Variants in PPP4R4 observed in about 807,000 individuals in gnomAD.
PPP4R4 encodes the protein serine/threonine-protein phosphatase 4 regulatory subunit 4.
Under a neutral mutation model 121.8 loss-of-function variants are expected in PPP4R4, and 70 were observed. That is an observed-to-expected ratio of 0.57 (90% CI 0.47 to 0.70). PPP4R4 has a LOEUF of 0.70. Among genes scored for constraint, PPP4R4 ranks in the 30% least tolerant of loss-of-function variants. The pLI is 0.00. For synonymous variants in PPP4R4, 348 were observed against 355.7 expected, an observed-to-expected ratio of 0.98 and a Z score of 0.24; for missense variants, 875 against 1,033.6, an observed-to-expected ratio of 0.85 and a Z score of 2.10.
intron 3 of PPP4R4, among the ~76,000 whole-genome samples, chr14:94,226,569 T>C (rs1891714872): frequency 6.6e-6 from 1 of 152,152 alleles, no homozygotes; most frequent in South Asian, 2.1e-4. Flanking sequence ...ATTATTCATA[T>C]TTAACCTATT....
At chr14:94,241,266 C>T (rs1040958138) in intron 9 of PPP4R4, among the ~76,000 whole-genome samples, 14 of 151,890 alleles carry the variant, frequency 9.2e-5, no homozygotes, top group Middle Eastern at 3.2e-3. Context: ...ATAATGAACT[C>T]GTAACAATAT....
chr14:94,180,835 C>CT (rs1888943820), intron 2 of PPP4R4, among the ~76,000 whole-genome samples: 1 of 151,774 alleles, frequency 6.6e-6, no homozygotes, highest in African/African-American at 2.4e-5. Context: ...TTAACTTTCT[C>CT]TTCCTATTTT....
intron 12 of PPP4R4, among the ~76,000 whole-genome samples, chr14:94,245,320 T>G (rs1301728857): frequency 6.6e-6 from 1 of 152,212 alleles, no homozygotes; most frequent in Non-Finnish European, 1.5e-5. Flanking sequence ...ATGTTAGTTT[T>G]GTAGAAGTAG....
intron 2 of PPP4R4, among the ~76,000 whole-genome samples, chr14:94,198,174 A>G (rs1286812690): frequency 6.6e-6 from 1 of 152,064 alleles, no homozygotes; most frequent in East Asian, 1.9e-4. Flanking sequence ...AAGGACCATT[A>G]CTCCTCATCC....
In PPP4R4 at chr14:94,257,453, AAG is replaced by A. The variant is rs538203899; in HGVS notation, c.2010+855_2010+856del. On this transcript the variant is annotated intron_variant, in intron 17 of 24. Transcript: ENST00000304338. ...AATAAATTAGCATACATGGTGAGAA[AAG>A]AGAGAATTCTTATTTTTTCTCTTTT... 3.4e-3 allele frequency among the ~76,000 whole-genome samples: 514 copies of A among 152,212 alleles called. 4 individuals carry two copies. The highest frequency in any genetic ancestry group is 0.012 in the African/African-American group (493 of 41,568).
chr14:94,212,843 C>T (rs953335065), intron 3 of PPP4R4, among the ~76,000 whole-genome samples: 1 of 152,158 alleles, frequency 6.6e-6, no homozygotes, highest in Middle Eastern at 3.2e-3. Context: ...GATATAATTA[C>T]ACCACATAAC....
At chr14:94,214,600 T>C (rs950536048) in intron 3 of PPP4R4, among the ~76,000 whole-genome samples, 1 of 152,134 alleles carries the variant, frequency 6.6e-6, no homozygotes, top group African/African-American at 2.4e-5. Flanking sequence ...TTATGTCTCC[T>C]GTATATGGGT....
chr14:94,218,840 T>A (rs1191332438), intron 3 of PPP4R4, among the ~76,000 whole-genome samples: 1 of 151,996 alleles, frequency 6.6e-6, no homozygotes, highest in Non-Finnish European at 1.5e-5. Context: ...AGGTGACAAT[T>A]GAACAGGCTT....
chr14:94,257,642 T>TACACACACACACACACACACACACACAC (rs57997995), intron 17 of PPP4R4, among the ~76,000 whole-genome samples: 4 of 146,982 alleles, frequency 2.7e-5, no homozygotes, highest in African/African-American at 1.0e-4. Context: ...CATTTAAATC[T>TACACACACACACACACACACACACACAC]ACACACACAC....
intron 5 of PPP4R4, among the ~76,000 whole-genome samples, chr14:94,232,570 C>A (rs772189191): frequency 6.6e-6 from 1 of 152,116 alleles, no homozygotes; most frequent in Non-Finnish European, 1.5e-5. Context: ...CATGTGGTTT[C>A]AAAGATTTTA....
intron 2 of PPP4R4, among the ~76,000 whole-genome samples, chr14:94,202,542 T>C (rs1890246703): frequency 6.6e-6 from 1 of 152,226 alleles, no homozygotes; most frequent in Non-Finnish European, 1.5e-5. Flanking sequence ...AGATATTCTT[T>C]ATCTGGTTGA....
In PPP4R4 at chr14:94,237,556, A is replaced by G. The variant is rs376784508; in HGVS notation, c.732-9A>G. 6.2e-7 allele frequency: 1 copy of G among 1,605,612 alleles called. No homozygotes were observed. Among genetic ancestry groups the G allele is most frequent in the Non-Finnish European group, 8.5e-7 (1 of 1,174,092 alleles). On this transcript the variant is annotated splice_polypyrimidine_tract_variant and intron_variant, in intron 7 of 24. Transcript: ENST00000304338. ...TTTGATTTATTTTCTTCTATTGCTTATTGTGCAGGACAGAACTTACAAAAA... is the reference window on the plus strand; with the variant it reads ...TTTGATTTATTTTCTTCTATTGCTTGTTGTGCAGGACAGAACTTACAAAAA...
chr14:94,212,848 C>G (rs1890816334), intron 3 of PPP4R4, among the ~76,000 whole-genome samples: 1 of 152,140 alleles, frequency 6.6e-6, no homozygotes, highest in African/African-American at 2.4e-5. Context: ...AATTACACCA[C>G]ATAACGAAGG....
At chr14:94,178,909 G>A (rs1318095619) in intron 2 of PPP4R4, among the ~76,000 whole-genome samples, 1 of 152,118 alleles carries the variant, frequency 6.6e-6, no homozygotes, top group Non-Finnish European at 1.5e-5. Context: ...TATGTATACT[G>A]TGCTTTCATT....
intron 2 of PPP4R4, among the ~76,000 whole-genome samples, chr14:94,184,410 C>A (rs116061361): frequency 2.0e-5 from 3 of 152,194 alleles, no homozygotes; most frequent in Admixed American, 6.5e-5. Flanking sequence ...AGGCACTAGC[C>A]ACCATGCCTA....
intron 15 of PPP4R4, 138 bp from the exon 16 acceptor site, chr14:94,251,611 T>G (rs1893181975): frequency 1.7e-6 from 1 of 590,710 alleles, no homozygotes; most frequent in East Asian, 3.2e-5. Context: ...ATAATGATAT[T>G]TTTCCTCTTA....
At chr14:94,242,252 TC>T (rs1366193679) in intron 10 of PPP4R4, 36 bp from the exon 11 acceptor site, 19 of 1,600,004 alleles carry the variant, frequency 1.2e-5, no homozygotes, top group Non-Finnish European at 1.5e-5. Context: ...TGTTTTTCTT[TC>T]CTTCCCACTC....
intron 2 of PPP4R4, among the ~76,000 whole-genome samples, chr14:94,204,337 C>T (rs1008766114): frequency 6.6e-6 from 1 of 151,878 alleles, no homozygotes; most frequent in African/African-American, 2.4e-5. Flanking sequence ...GATGAAAAGG[C>T]TGTCTTTTGT....
intron 3 of PPP4R4, among the ~76,000 whole-genome samples, chr14:94,221,775 C>T (rs1368325790): frequency 5.3e-5 from 8 of 152,024 alleles, no homozygotes; most frequent in Admixed American, 5.2e-4. Context: ...TAAAATGGTA[C>T]AACAACTTTA....
Sources: gnomAD v4.1 joint callset for allele counts (sites outside exome capture counted in the v4.1 genomes callset) on GRCh38, gnomAD v4.1.1 for gene constraint, MANE v1.5 for transcripts, NCBI Gene and HGNC (gene_info 2026-07-23, HGNC 2026-07-21) for gene names.